The following NKAIN4 variants were observed in gnomAD, a reference collection of about 807,000 sequenced individuals.
The protein encoded by NKAIN4 is sodium/potassium-transporting ATPase subunit beta-1-interacting protein 4.
Under a neutral mutation model 28.8 loss-of-function variants are expected in NKAIN4, and 28 were observed. The observed-to-expected ratio is 0.97, with a 90% CI of 0.72 to 1.33. NKAIN4 has a LOEUF of 1.33. Among genes scored for constraint, NKAIN4 ranks in the 40% most tolerant of loss-of-function variants. The pLI is 0.00. For synonymous variants in NKAIN4, 122 were observed against 115.6 expected (o/e 1.06, Z -0.36); for missense variants, 289 against 277.2 (o/e 1.04, Z -0.30).
chr20:63,254,135 CG>C (rs1253116786), intron 1 of NKAIN4: 1 of 444,160 alleles, frequency 2.3e-6, no homozygotes, highest in Non-Finnish European at 4.1e-6. Flanking sequence ...GCCGCTGCCC[CG>C]CACCTGTCCC....
intron 2 of NKAIN4, chr20:63,249,099 G>A (rs900132692): frequency 7.1e-6 from 4 of 560,236 alleles, no homozygotes; most frequent in South Asian, 2.0e-5. Flanking sequence ...TCCCACGTGG[G>A]TGCCCCGGGA....
At chr20:63,241,997 C>T (rs939697166) in intron 6 of NKAIN4, among the ~76,000 whole-genome samples, 2 of 152,144 alleles carry the variant, frequency 1.3e-5, no homozygotes, top group Non-Finnish European at 2.9e-5. Context: ...GGTGCAGCCA[C>T]CTATTCTGAG....
chr20:63,253,604 T>G, intron 1 of NKAIN4: 2 of 780,176 alleles, frequency 2.6e-6, no homozygotes, highest in Non-Finnish European at 3.1e-6. Flanking sequence ...GCAAAGCAGC[T>G]TCCCCAGCCT....
intron 1 of NKAIN4, among the ~76,000 whole-genome samples, chr20:63,250,455 C>T (rs1408688339): frequency 6.6e-6 from 1 of 152,204 alleles, no homozygotes; most frequent in Non-Finnish European, 1.5e-5. Context: ...AACTGTGGGG[C>T]CAGGTGACAG....
At chr20:63,247,156 GTCCACT>G in intron 4 of NKAIN4, 1 of 1,118,988 alleles carries the variant, frequency 8.9e-7, no homozygotes, top group Non-Finnish European at 1.1e-6. Context: ...CTCAGGCTCT[GTCCACT>G]TCCTGTGACC....
intron 4 of NKAIN4, chr20:63,246,772 C>A (rs1022003031): frequency 6.1e-6 from 6 of 985,216 alleles, no homozygotes; most frequent in Non-Finnish European, 7.2e-6. Flanking sequence ...AAACGCTGAC[C>A]GAGCACCCTC....
chr20:63,253,573 C>T (rs1207134855), intron 1 of NKAIN4: 2 of 944,840 alleles, frequency 2.1e-6, no homozygotes, highest in Non-Finnish European at 2.5e-6. Context: ...GACGGGAGAC[C>T]CAGGGCCAAT....
chr20:63,251,892 C>T (rs1454377783), intron 1 of NKAIN4, among the ~76,000 whole-genome samples: 5 of 152,148 alleles, frequency 3.3e-5, no homozygotes, highest in African/African-American at 4.8e-5. Flanking sequence ...GCCTCCCCAT[C>T]GTGCCCGGAG....
chr20:63,254,475 C>T (rs1012972092), upstream of NKAIN4: 3 of 1,301,982 alleles, frequency 2.3e-6, no homozygotes, highest in Admixed American at 4.1e-5. Flanking sequence ...CAGGAGGCCC[C>T]CGGGTGCCCC....
intron 1 of NKAIN4, among the ~76,000 whole-genome samples, chr20:63,251,355 G>A (rs887830521): frequency 3.9e-5 from 6 of 152,168 alleles, no homozygotes; most frequent in South Asian, 2.1e-4. Flanking sequence ...GGATAACTGC[G>A]GGCGGGCCTG....
In NKAIN4 at chr20:63,254,437, G is replaced by C. The variant is rs995676795; in HGVS notation, c.14C>G (p.Ser5Cys). 3.4e-4 allele frequency: 486 copies of C among 1,416,176 alleles called. 6 individuals are homozygous for C. The East Asian group carries it at 0.015, about 43-fold the overall frequency. The allele number at this position is 1,416,176 out of a possible 1,614,324, so 87.7% of individuals were successfully genotyped here. MGSC[S>C]GRCALVVLCA... ...GAGGACGACGAGCGCGCAGCGGCCG[G>C]AGCAGGAGCCCATGGTGCCCGCCTA... The change falls in exon 1 of 7, where the codon TCC (serine) becomes TGC (cysteine). Residue 5 changes from serine to cysteine, a missense_variant. Physicochemically the swap from Ser to Cys is moderately radical, Grantham distance 112. Coordinates refer to ENST00000370316, the MANE Select transcript of NKAIN4 (RefSeq NM_152864.4).
At chr20:63,244,492 C>G (rs2066820585) in intron 4 of NKAIN4, 2 of 475,576 alleles carry the variant, frequency 4.2e-6, no homozygotes, top group African/African-American at 4.0e-5. Context: ...CCCACTCCAG[C>G]CAGCAGCCAC....
chr20:63,254,004 A>C, intron 1 of NKAIN4: 1 of 187,840 alleles, frequency 5.3e-6, no homozygotes, highest in East Asian at 1.7e-4. Context: ...GGCTGCGGGA[A>C]ACGCTCGCAC....
Position 63,248,856 on chromosome 20 carries a change from A to G in NKAIN4, c.232T>C (p.Phe78Leu). The G allele has an allele frequency of 6.2e-7, 1 of 1,612,926 alleles. No individual in the cohort carries two copies. The highest frequency in any genetic ancestry group is 8.5e-7 in the Non-Finnish European group (1 of 1,179,898). The change falls in exon 3 of 7, where the codon TTC becomes CTC. Residue 78 changes from phenylalanine (F) to leucine (L), a missense_variant. Physicochemically the swap from Phe to Leu is conservative, Grantham distance 22. Coordinates refer to ENST00000370316, the MANE Select transcript of NKAIN4 (RefSeq NM_152864.4). ...WAAVWVTWNV[F>L]IICFYLEVGG... ...ACTTCCAGGTAGAAGCAGATGATGA[A>G]GACGTTCCAGGTGACCCAGACGGCT...
intron 4 of NKAIN4, 65 bp from the exon 5 acceptor site, chr20:63,244,149 G>T: frequency 6.3e-6 from 9 of 1,436,220 alleles, no homozygotes; most frequent in East Asian, 4.7e-5. Flanking sequence ...TCATTGAGGC[G>T]ATGTGGGCCG....
Position 63,252,608 on chromosome 20 carries a change from CA to C in NKAIN4, c.54+1788del, listed in dbSNP as rs1331656835. ...TGCCAGATTGCCAACCCGGCCAGGACAAAAGGCCTTTGACAGCTCCCTGCTG... is the reference window on the plus strand; with the variant it reads ...TGCCAGATTGCCAACCCGGCCAGGACAAAGGCCTTTGACAGCTCCCTGCTG... On this transcript the variant is annotated intron_variant, in intron 1 of 6. Coordinates refer to ENST00000370316, the MANE Select transcript of NKAIN4 (RefSeq NM_152864.4). The surrounding 1 kb of genome is among the most constrained non-coding windows in gnomAD (Gnocchi z 4.6). 1.3e-5 allele frequency among the ~76,000 whole-genome samples: 2 copies of C among 152,168 alleles called. No homozygotes were observed. Among genetic ancestry groups the C allele is most frequent in the African/African-American group, 4.8e-5 (2 of 41,434 alleles).
At chr20:63,247,172 C>T (rs944964956) in intron 4 of NKAIN4, 8 of 1,125,816 alleles carry the variant, frequency 7.1e-6, no homozygotes, top group South Asian at 2.2e-5. Flanking sequence ...TTCCTGTGAC[C>T]GGCATGGGCT....
chr20:63,246,205 G>A (rs907745963), intron 4 of NKAIN4, among the ~76,000 whole-genome samples: 6 of 152,212 alleles, frequency 3.9e-5, no homozygotes, highest in African/African-American at 1.4e-4. Flanking sequence ...TGGGATTACA[G>A]GTGTGAGCCA....
Position 63,247,248 on chromosome 20 carries a change from C to G in NKAIN4, c.471+330G>C, listed in dbSNP as rs539419339. The G allele has an allele frequency of 2.7e-4, 336 of 1,255,668 alleles. 2 individuals are homozygous for G. The highest frequency in any genetic ancestry group is 2.2e-4 in the Non-Finnish European group (216 of 987,262). The allele number at this position is 1,255,668 out of a possible 1,614,324, so 77.8% of individuals were successfully genotyped here. The stretch of plus-strand genomic sequence containing the variant: ...TTTGTCAGGAAGATGCATGCCCCTC[C>G]TCCTTGGGGCCGTCAAAGCCAGAGG... On this transcript the variant is annotated intron_variant, in intron 4 of 6. Transcript: ENST00000370316.
Sources: gnomAD v4.1 joint callset for allele counts (sites outside exome capture counted in the v4.1 genomes callset) on GRCh38, gnomAD v4.1.1 for gene constraint, Gnocchi (gnomAD v3.1) non-coding constraint, MANE v1.5 for transcripts, NCBI Gene and HGNC (gene_info 2026-07-23, HGNC 2026-07-21) for gene names.